Variants in SKAP1 observed in about 807,000 individuals in gnomAD.
SKAP1 encodes the protein src kinase associated phosphoprotein 1.
In SKAP1, 44 loss-of-function variants were observed where a neutral mutation model predicts 58.5. That is an observed-to-expected ratio of 0.75 (90% CI 0.59 to 0.97). The LOEUF is 0.97. Ranked by LOEUF, SKAP1 falls within the 50% of genes least tolerant of loss-of-function variation. The pLI, the probability that SKAP1 is intolerant of heterozygous loss-of-function variation, is 0.00. For missense variants in SKAP1, 390 were observed against 435.2 expected, an observed-to-expected ratio of 0.90 and a Z score of 0.92; for synonymous variants, 127 against 149.7, an observed-to-expected ratio of 0.85 and a Z score of 1.11.
At chr17:48,253,931 T>C (rs1285857220) in intron 4 of SKAP1, among the ~76,000 whole-genome samples, 2 of 152,130 alleles carry the variant, frequency 1.3e-5, no homozygotes, top group Non-Finnish European at 2.9e-5. Context: ...TTTTCAGCTT[T>C]TATGGAAGGA....
chr17:48,234,164 A>G (rs929166975), intron 4 of SKAP1, among the ~76,000 whole-genome samples: 4 of 152,234 alleles, frequency 2.6e-5, no homozygotes, highest in East Asian at 1.9e-4. Flanking sequence ...TGAGGATTAA[A>G]AAAAGGCACT....
intron 2 of SKAP1, among the ~76,000 whole-genome samples, chr17:48,383,358 C>A (rs1304217302): frequency 6.6e-6 from 1 of 152,022 alleles, no homozygotes; most frequent in Non-Finnish European, 1.5e-5. Context: ...TTCAGTGCAG[C>A]TCAAAGGGAT....
intron 4 of SKAP1, among the ~76,000 whole-genome samples, chr17:48,239,069 CCTTA>C (rs1313085515): frequency 6.6e-6 from 1 of 152,136 alleles, no homozygotes; most frequent in African/African-American, 2.4e-5. Context: ...AAATATCTGG[CCTTA>C]CTTCTGATTT....
At chr17:48,200,631 G>A (rs1258069438) in intron 4 of SKAP1, among the ~76,000 whole-genome samples, 1 of 152,140 alleles carries the variant, frequency 6.6e-6, no homozygotes, top group African/African-American at 2.4e-5. Context: ...AGCCACCTCA[G>A]GCTCCCAAAG....
intron 8 of SKAP1, among the ~76,000 whole-genome samples, chr17:48,181,797 C>T (rs923809441): frequency 6.6e-6 from 1 of 152,154 alleles, no homozygotes; most frequent in African/African-American, 2.4e-5. Context: ...GATAAGGCTT[C>T]CCTGGCCATT....
intron 4 of SKAP1, among the ~76,000 whole-genome samples, chr17:48,277,892 G>C (rs990756092): frequency 2.0e-5 from 3 of 151,998 alleles, no homozygotes; most frequent in African/African-American, 7.3e-5. Flanking sequence ...CACTGTGCCT[G>C]GCCTCAGCTT....
At chr17:48,171,246 A>G (rs917257730) in intron 9 of SKAP1, among the ~76,000 whole-genome samples, 3 of 151,738 alleles carry the variant, frequency 2.0e-5, no homozygotes, top group African/African-American at 7.3e-5. Flanking sequence ...AGCTGGGATT[A>G]CAGGCTCACA....
chr17:48,141,373 G>GGGTTTT (rs1555589695), intron 11 of SKAP1, among the ~76,000 whole-genome samples: 5 of 148,644 alleles, frequency 3.4e-5, no homozygotes. Context: ...CTTGTTAACT[G>GGGTTTT]GTTTTTGTTT....
At chr17:48,382,098 C>T (rs779536150) in intron 2 of SKAP1, among the ~76,000 whole-genome samples, 1 of 151,720 alleles carries the variant, frequency 6.6e-6, no homozygotes, top group Non-Finnish European at 1.5e-5. Context: ...ATCAACCTCA[C>T]ACACCTGTTG....
rs1351754488 is a variant in SKAP1 at position 48,323,271 on chromosome 17, AG to A, written c.280+22633del. On this transcript the variant is annotated intron_variant, in intron 4 of 12. Coordinates refer to ENST00000336915, the MANE Select transcript of SKAP1 (RefSeq NM_003726.4). Reference sequence around the variant, plus strand: ...TGTGGACAAATTGCAGTAAAACCTCAGAAGAGTGTATCAATCACCAGAAAGA... The same window carrying A: ...TGTGGACAAATTGCAGTAAAACCTCAAAGAGTGTATCAATCACCAGAAAGA... Among the ~76,000 whole-genome samples the A allele has an allele frequency of 2.6e-5, 4 of 151,950 alleles. No individual in the cohort carries two copies. In the East Asian group the frequency reaches 5.8e-4, roughly 22 times the overall value.
At chr17:48,270,182 G>A (rs1181661315) in intron 4 of SKAP1, among the ~76,000 whole-genome samples, 1 of 152,060 alleles carries the variant, frequency 6.6e-6, no homozygotes, top group Non-Finnish European at 1.5e-5. Context: ...AATTTTAAAC[G>A]ATATGGAAAA....
intron 1 of SKAP1, among the ~76,000 whole-genome samples, chr17:48,410,957 AG>A (rs1351651949): frequency 1.8e-3 from 263 of 148,390 alleles, no homozygotes; most frequent in Middle Eastern, 3.5e-3. Context: ...AAAAAAAAAA[AG>A]AAAGGGGCAC....
intron 11 of SKAP1, among the ~76,000 whole-genome samples, chr17:48,143,153 G>A (rs911895725): frequency 2.7e-5 from 4 of 145,992 alleles, no homozygotes; most frequent in African/African-American, 5.1e-5. Flanking sequence ...CCTACAGTTC[G>A]CAACGTCTTA....
rs71366845 is a variant in SKAP1 at position 48,204,958 on chromosome 17, C to CTT, written c.281-15460_281-15459dup. 1.9e-3 allele frequency among the ~76,000 whole-genome samples: 229 copies of CTT among 120,800 alleles called. 1 individual carries two copies. Among genetic ancestry groups the CTT allele is most frequent in the African/African-American group, 5.5e-3 (175 of 31,538 alleles). 79.2% of individuals were successfully genotyped at this position (120,800 alleles called of 152,430 possible). Reference sequence around the variant, plus strand: ...CTTCCTTCCTCCCTCCCTCCTTCCTCTTTCTTTTCTTTTCTTTTCTTTCTT... The same window carrying CTT: ...CTTCCTTCCTCCCTCCCTCCTTCCTCTTTTTCTTTTCTTTTCTTTTCTTTCTT... On this transcript the variant is annotated intron_variant, in intron 4 of 12. Transcript: ENST00000336915.
intron 4 of SKAP1, among the ~76,000 whole-genome samples, chr17:48,335,703 G>C (rs1399573835): frequency 6.6e-6 from 1 of 151,870 alleles, no homozygotes; most frequent in Non-Finnish European, 1.5e-5. Flanking sequence ...TTTGTAATTG[G>C]CAAAGAAAAA....
intron 3 of SKAP1, among the ~76,000 whole-genome samples, chr17:48,359,444 T>C (rs1391809397): frequency 6.6e-6 from 1 of 152,212 alleles, no homozygotes; most frequent in Non-Finnish European, 1.5e-5. Context: ...AATTCTCTCA[T>C]AGATGTCATT....
chr17:48,205,838 A>C (rs2064803309), intron 4 of SKAP1, among the ~76,000 whole-genome samples: 1 of 152,186 alleles, frequency 6.6e-6, no homozygotes, highest in African/African-American at 2.4e-5. Context: ...TAGAATACAG[A>C]GGTTTTCAGA....
At chr17:48,355,068 GT>G (rs1277833623) in intron 3 of SKAP1, among the ~76,000 whole-genome samples, 1 of 152,044 alleles carries the variant, frequency 6.6e-6, no homozygotes, top group Non-Finnish European at 1.5e-5. Context: ...TTTATAAGTT[GT>G]TTTTTTCCTC....
At chr17:48,220,098 G>C (rs879763460) in intron 4 of SKAP1, among the ~76,000 whole-genome samples, 1 of 152,180 alleles carries the variant, frequency 6.6e-6, no homozygotes, top group Non-Finnish European at 1.5e-5. Flanking sequence ...CATTGTTGGT[G>C]GGAGTAAAAA....
Sources: gnomAD v4.1 joint callset for allele counts (sites outside exome capture counted in the v4.1 genomes callset) on GRCh38, gnomAD v4.1.1 for gene constraint, MANE v1.5 for transcripts, NCBI Gene and HGNC (gene_info 2026-07-23, HGNC 2026-07-21) for gene names.